The following ZNF804B variants were observed in gnomAD, a reference collection of about 807,000 sequenced individuals.
ZNF804B encodes the protein zinc finger protein 804B.
Under a neutral mutation model 101.4 loss-of-function variants are expected in ZNF804B, and 80 were observed. The observed-to-expected ratio is 0.79, with a 90% confidence interval of 0.66 to 0.95. The LOEUF is 0.95. Ranked by LOEUF, ZNF804B falls within the 40% of genes least tolerant of loss-of-function variation. The pLI, the probability that ZNF804B is intolerant of heterozygous loss-of-function variation, is 0.00. For synonymous variants in ZNF804B, 622 were observed against 558.8 expected, an observed-to-expected ratio of 1.11 and a Z score of -1.59; for missense variants, 1,673 against 1,561.9, an observed-to-expected ratio of 1.07 and a Z score of -1.20.
At chr7:88,816,075 C>G (rs2115746450) in intron 1 of ZNF804B, among the ~76,000 whole-genome samples, 1 of 152,192 alleles carries the variant, frequency 6.6e-6, no homozygotes, top group South Asian at 2.1e-4. Flanking sequence ...CCTCCGCACC[C>G]AACTTCAAAT....
intron 1 of ZNF804B, among the ~76,000 whole-genome samples, chr7:88,949,348 CA>C (rs1257748305): frequency 6.6e-6 from 1 of 151,836 alleles, no homozygotes; most frequent in African/African-American, 2.4e-5. Context: ...GCATCTTTCC[CA>C]ATTGTGATCA....
chr7:88,839,661 G>A (rs1194040552), intron 1 of ZNF804B, among the ~76,000 whole-genome samples: 1 of 151,826 alleles, frequency 6.6e-6, no homozygotes, highest in African/African-American at 2.4e-5. Context: ...CAGGAGTATG[G>A]AGAATAACAC....
rs183021712 is a variant in ZNF804B, at chr7:88,867,240, G to C, written c.108+107156G>C. Among the ~76,000 whole-genome samples the C allele has an allele frequency of 1.2e-3, 190 of 152,308 alleles. 2 individuals are homozygous for C. Among genetic ancestry groups the C allele is most frequent in the Admixed American group, 0.011 (166 of 15,300 alleles). On this transcript the variant is annotated intron_variant, in intron 1 of 3. Transcript: ENST00000333190. ...GGAAATTGGCTTACAGTATTATGGA[G>C]ACTGAGAAGTCTCATGATAGACAAT...
chr7:88,868,048 AGTGTGT>A (rs34267852), intron 1 of ZNF804B, among the ~76,000 whole-genome samples: 5,279 of 142,726 alleles, frequency 0.037, 94 homozygotes, highest in Middle Eastern at 0.057. Context: ...TGTGTGTGTG[AGTGTGT>A]GTGTGTGTGT....
intron 1 of ZNF804B, among the ~76,000 whole-genome samples, chr7:89,073,024 A>G (rs1276360967): frequency 6.6e-6 from 1 of 152,180 alleles, no homozygotes; most frequent in East Asian, 1.9e-4. Flanking sequence ...CAAGTTTGAA[A>G]TAAAGACTGT....
At chr7:89,275,899 G>T (rs1404379252) in intron 2 of ZNF804B, among the ~76,000 whole-genome samples, 5 of 151,668 alleles carry the variant, frequency 3.3e-5, no homozygotes, top group African/African-American at 4.9e-5. Flanking sequence ...TCTTGGATTT[G>T]CAAAGACATG....
At position 89,334,250 on chromosome 7, in the gene ZNF804B, A is replaced by G. The variant is rs1562743529; in HGVS notation, c.1268A>G (p.Asn423Ser). The change falls in exon 4 of 4, where the codon AAT becomes AGT. Residue 423 changes from asparagine (N) to serine (S), a missense_variant. By Grantham distance (46) the Asn-to-Ser change is conservative. Transcript: ENST00000333190. ...SLDKTERVSK[N>S]VQRLVKEACT... ...GATAAAACAGAAAGAGTTAGCAAAA[A>G]TGTTCAAAGACTTGTAAAAGAAGCA... The G allele has an allele frequency of 1.2e-6, 2 of 1,613,680 alleles. No individual in the cohort carries two copies. Among genetic ancestry groups the G allele is most frequent in the South Asian group, 2.2e-5 (2 of 91,078 alleles).
rs1265669533 is a variant in ZNF804B, at chr7:89,219,981, ATATGTGTGCATATATGTATATG to A, written c.249+1687_249+1708del. ...TATGTGTGCATATATATGTATATAC[ATATGTGTGCATATATGTATATG>A]CACATATATGTGTGTATACATATAT... On this transcript the variant is annotated intron_variant, in intron 2 of 3. Coordinates refer to ENST00000333190, the MANE Select transcript of ZNF804B (RefSeq NM_181646.5). Among the ~76,000 whole-genome samples, 2 of 214 alleles carry A rather than the reference ATATGTGTGCATATATGTATATG, an allele frequency of 9.3e-3. 1 individual carries two copies. Among genetic ancestry groups the A allele is most frequent in the African/African-American group, 0.012 (2 of 168 alleles). 0.1% of individuals were successfully genotyped at this position (214 alleles called of 152,430 possible). A position where few individuals can be genotyped will look rare whatever the true frequency, so the allele number is the denominator to read the frequency against.
At chr7:89,185,292 C>T (rs185537824) in intron 1 of ZNF804B, among the ~76,000 whole-genome samples, 1 of 152,156 alleles carries the variant, frequency 6.6e-6, no homozygotes, top group East Asian at 1.9e-4. Flanking sequence ...GGATATAGTA[C>T]CTAACACAGA....
chr7:88,952,819 C>T (rs1043116381), intron 1 of ZNF804B, among the ~76,000 whole-genome samples: 3 of 151,718 alleles, frequency 2.0e-5, no homozygotes, highest in African/African-American at 7.3e-5. Context: ...AATAAAAACA[C>T]TCACACTCTT....
At chr7:88,859,844 G>A (rs984206034) in intron 1 of ZNF804B, among the ~76,000 whole-genome samples, 12 of 151,800 alleles carry the variant, frequency 7.9e-5, no homozygotes, top group African/African-American at 2.7e-4. Flanking sequence ...ACTTAAAAAT[G>A]TGCTTTTAGT....
chr7:89,079,927 G>C (rs1256009450), intron 1 of ZNF804B, among the ~76,000 whole-genome samples: 1 of 152,002 alleles, frequency 6.6e-6, no homozygotes, highest in Non-Finnish European at 1.5e-5. Context: ...GAGGAAAATA[G>C]AGAATCATCA....
intron 2 of ZNF804B, among the ~76,000 whole-genome samples, chr7:89,252,113 A>G (rs1789550453): frequency 6.6e-6 from 1 of 152,172 alleles, no homozygotes; most frequent in Non-Finnish European, 1.5e-5. Flanking sequence ...ATAAGAGTAC[A>G]CAGACAACAT....
chr7:89,057,109 G>A (rs1789308956), intron 1 of ZNF804B, among the ~76,000 whole-genome samples: 2 of 152,102 alleles, frequency 1.3e-5, no homozygotes, highest in African/African-American at 4.8e-5. Context: ...TTAAGCGATA[G>A]ATTCTTAAAC....
intron 1 of ZNF804B, among the ~76,000 whole-genome samples, chr7:88,981,847 G>A (rs994484172): frequency 2.0e-5 from 3 of 151,972 alleles, no homozygotes; most frequent in Non-Finnish European, 4.4e-5. Flanking sequence ...GGGCCAAGAG[G>A]CTCCTGCTGG....
chr7:88,995,342 A>G (rs757871188), intron 1 of ZNF804B, among the ~76,000 whole-genome samples: 8 of 152,132 alleles, frequency 5.3e-5, no homozygotes, highest in Non-Finnish European at 7.4e-5. Flanking sequence ...TTAGCAGAGC[A>G]TATAATAGAT....
intron 1 of ZNF804B, among the ~76,000 whole-genome samples, chr7:88,997,376 A>T (rs1788217251): frequency 6.6e-6 from 1 of 152,082 alleles, no homozygotes; most frequent in South Asian, 2.1e-4. Context: ...TCTTCATATA[A>T]ATTTGTAACT....
chr7:88,939,728 G>T (rs1048975602), intron 1 of ZNF804B, among the ~76,000 whole-genome samples: 1 of 150,940 alleles, frequency 6.6e-6, no homozygotes, highest in African/African-American at 2.4e-5. Context: ...ATAGGAAAAC[G>T]ATAATCCAAA....
At chr7:88,955,881 G>A (rs751657245) in intron 1 of ZNF804B, among the ~76,000 whole-genome samples, 4 of 151,338 alleles carry the variant, frequency 2.6e-5, no homozygotes, top group African/African-American at 9.7e-5. Context: ...CAGAATATAC[G>A]AGAAACTCAA....
Sources: allele counts gnomAD v4.1 joint callset (sites outside exome capture counted in the v4.1 genomes callset), GRCh38; gene constraint gnomAD v4.1.1; transcripts MANE v1.5; gene names NCBI Gene and HGNC (gene_info 2026-07-23, HGNC 2026-07-21).